The following SRGAP1 variants were observed in gnomAD, a reference collection of about 807,000 sequenced individuals.
SRGAP1 encodes the protein SLIT-ROBO Rho GTPase-activating protein 1.
A neutral mutation model predicts 121.9 loss-of-function variants in SRGAP1; 43 were observed. The observed-to-expected ratio is 0.35, with a 90% CI of 0.28 to 0.46. SRGAP1 has a LOEUF of 0.46. SRGAP1 is among the 20% of genes least tolerant of loss of function. The pLI, the probability that SRGAP1 is intolerant of heterozygous loss-of-function variation, is 1.00. For synonymous variants in SRGAP1, 447 were observed against 485.4 expected (o/e 0.92, Z 1.04); for missense variants, 1,102 against 1,350.9 (o/e 0.82, Z 2.89).
intron 1 of SRGAP1, among the ~76,000 whole-genome samples, chr12:63,863,276 C>CTTTTTTTTTTTT (rs72296845): frequency 7.2e-6 from 1 of 138,190 alleles, no homozygotes; most frequent in African/African-American, 2.6e-5. Context: ...CTTTTTTTTT[C>CTTTTTTTTTTTT]TTTTTTTTTT....
chr12:63,855,473 GTTTTTTTTTTTTTT>G lies in SRGAP1; in HGVS notation c.67+10609_67+10622del, dbSNP rs781701925. 5.7e-4 allele frequency among the ~76,000 whole-genome samples: 30 copies of G among 52,940 alleles called. No individual in the cohort carries two copies. In the East Asian group the frequency reaches 7.0e-3, roughly 12 times the overall value. 34.7% of individuals were successfully genotyped at this position (52,940 alleles called of 152,430 possible). On this transcript the variant is annotated intron_variant, in intron 1 of 21. Transcript: ENST00000355086. ...AGCAGCAGTCAACATGAAAAATGGT[GTTTTTTTTTTTTTT>G]TTTTTTTTTTTTTTTTTTGAGGGAG...
intron 1 of SRGAP1, among the ~76,000 whole-genome samples, chr12:63,953,312 A>G (rs926639388): frequency 2.6e-5 from 4 of 151,766 alleles, no homozygotes; most frequent in African/African-American, 9.7e-5. Flanking sequence ...TATTTTTTTC[A>G]TCTTCTCAGA....
rs964155800 is a variant in SRGAP1 at position 64,153,887 on chromosome 12, G to A, written c.*11215G>A. On this transcript the variant is annotated 3_prime_UTR_variant, in exon 22 of 22. Transcript: ENST00000355086. ...AGCTTAATTCACAATAGCCACAAGA[G>A]AGAAGCAACCCATGAATGGATGAAT... 1 of 152,198 alleles carries A rather than the reference G, an allele frequency of 6.6e-6. No individual in the cohort carries two copies. Among genetic ancestry groups the A allele is most frequent in the African/African-American group, 2.4e-5 (1 of 41,430 alleles). 9.4% of individuals were successfully genotyped at this position (152,198 alleles called of 1,614,324 possible).
intron 1 of SRGAP1, among the ~76,000 whole-genome samples, chr12:63,876,153 G>A (rs576452927): frequency 1.3e-5 from 2 of 152,116 alleles, no homozygotes; most frequent in Non-Finnish European, 2.9e-5. Flanking sequence ...TGAAGAAATG[G>A]TAAGTAGCTA....
chr12:64,007,531 T>C (rs2136448565), intron 3 of SRGAP1, among the ~76,000 whole-genome samples: 1 of 152,230 alleles, frequency 6.6e-6, no homozygotes, highest in African/African-American at 2.4e-5. Flanking sequence ...CACGGACTGG[T>C]ACCAGTCCAT....
intron 1 of SRGAP1, among the ~76,000 whole-genome samples, chr12:63,954,665 G>A (rs1480993078): frequency 4.6e-5 from 3 of 65,432 alleles, no homozygotes; most frequent in African/African-American, 1.8e-4. Context: ...GGGACAGAGC[G>A]AGACTCCATC....
intron 1 of SRGAP1, chr12:63,982,485 A>G (rs1429975672): frequency 6.6e-6 from 1 of 152,240 alleles, no homozygotes; most frequent in Non-Finnish European, 1.5e-5. Flanking sequence ...CTGACTCCCC[A>G]TTCAGAACCT....
chr12:63,864,688 A>G (rs1440779393), intron 1 of SRGAP1, among the ~76,000 whole-genome samples: 1 of 152,220 alleles, frequency 6.6e-6, no homozygotes, highest in African/African-American at 2.4e-5. Flanking sequence ...CCTGAAAGCA[A>G]TAATAATAAA....
intron 6 of SRGAP1, among the ~76,000 whole-genome samples, chr12:64,056,909 A>G (rs1282805043): frequency 6.6e-6 from 1 of 151,352 alleles, no homozygotes; most frequent in Non-Finnish European, 1.5e-5. Context: ...CTTTCCCCTA[A>G]CTCTCCCTAT....
chr12:63,873,757 G>C (rs115835610), intron 1 of SRGAP1, among the ~76,000 whole-genome samples: 2 of 150,714 alleles, frequency 1.3e-5, no homozygotes, highest in Admixed American at 1.3e-4. Context: ...CAACCTCAGC[G>C]TCCAGGGTTC....
At chr12:64,067,725 C>T (rs2035565468) in intron 8 of SRGAP1, among the ~76,000 whole-genome samples, 1 of 151,964 alleles carries the variant, frequency 6.6e-6, no homozygotes, top group Non-Finnish European at 1.5e-5. Flanking sequence ...TGGTTATCAC[C>T]CCAGTTCTCT....
chr12:63,909,229 G>A (rs985302721), intron 1 of SRGAP1, among the ~76,000 whole-genome samples: 1 of 152,126 alleles, frequency 6.6e-6, no homozygotes, highest in African/African-American at 2.4e-5. Flanking sequence ...ATTTACTTAT[G>A]GGTTTGTGAA....
At chr12:64,069,316 A>G (rs990657618) in intron 8 of SRGAP1, among the ~76,000 whole-genome samples, 9 of 152,224 alleles carry the variant, frequency 5.9e-5, no homozygotes, top group African/African-American at 1.9e-4. Flanking sequence ...ACAAGTAGTA[A>G]AAGTTAAAAG....
At chr12:63,954,677 C>CAAAAA (rs60508657) in intron 1 of SRGAP1, among the ~76,000 whole-genome samples, 112 of 104,602 alleles carry the variant, frequency 1.1e-3, no homozygotes, top group African/African-American at 3.8e-3. Flanking sequence ...GACTCCATCT[C>CAAAAA]AAAAAAAAAA....
intron 1 of SRGAP1, among the ~76,000 whole-genome samples, chr12:63,920,378 T>C (rs4763132): frequency 0.45 from 68,707 of 151,878 alleles, 16,018 homozygotes; most frequent in East Asian, 0.58. Flanking sequence ...GAGATGTCCA[T>C]GGAGTAGCAA....
chr12:64,125,256 C>A (rs2036669162), intron 18 of SRGAP1, among the ~76,000 whole-genome samples: 1 of 151,844 alleles, frequency 6.6e-6, no homozygotes, highest in African/African-American at 2.4e-5. Flanking sequence ...ACCATCATTC[C>A]CTTGAATATC....
At chr12:63,873,944 A>G (rs1480596345) in intron 1 of SRGAP1, among the ~76,000 whole-genome samples, 1 of 151,784 alleles carries the variant, frequency 6.6e-6, no homozygotes, top group Non-Finnish European at 1.5e-5. Context: ...AGGTGGGAGG[A>G]TCAATTGAGT....
chr12:63,944,644 G>C (rs2031983739), intron 1 of SRGAP1, among the ~76,000 whole-genome samples: 1 of 152,178 alleles, frequency 6.6e-6, no homozygotes, highest in Non-Finnish European at 1.5e-5. Flanking sequence ...AGATGTGAAA[G>C]CTTCTGCTAT....
intron 15 of SRGAP1, among the ~76,000 whole-genome samples, chr12:64,099,756 C>T (rs2036225208): frequency 6.6e-6 from 1 of 152,172 alleles, no homozygotes; most frequent in African/African-American, 2.4e-5. Context: ...ATAACAAGTG[C>T]TGTACAATGC....
Sources: allele counts gnomAD v4.1 joint callset (sites outside exome capture counted in the v4.1 genomes callset), GRCh38; gene constraint gnomAD v4.1.1; transcripts MANE v1.5; gene names NCBI Gene and HGNC (gene_info 2026-07-23, HGNC 2026-07-21).